SUPT3H: variants seen among roughly 807,000 people sequenced by gnomAD.
The protein encoded by SUPT3H is transcription initiation protein SPT3 homolog.
SUPT3H carries 44 observed loss-of-function variants against 44.3 expected under a neutral mutation model. The ratio of observed to expected loss-of-function variants is 0.99; its 90% CI spans 0.78 to 1.28. The LOEUF (loss-of-function observed/expected upper bound fraction) is 1.28, where lower values mean the gene tolerates loss of function less well. Among genes scored for constraint, SUPT3H ranks in the 50% most tolerant of loss-of-function variants. The pLI, the probability that SUPT3H is intolerant of heterozygous loss-of-function variation, is 0.00. For synonymous variants in SUPT3H, 124 were observed against 125.6 expected (o/e 0.99, Z 0.09); for missense variants, 380 against 387.1 (o/e 0.98, Z 0.15).
intron 2 of SUPT3H, among the ~76,000 whole-genome samples, chr6:45,305,220 A>G (rs1265423245): frequency 6.6e-5 from 10 of 152,226 alleles, no homozygotes; most frequent in African/African-American, 2.4e-4. Context: ...AATTGTTTCC[A>G]TATTACCGGA....
intron 2 of SUPT3H, among the ~76,000 whole-genome samples, chr6:45,147,995 T>G (rs750584088): frequency 6.6e-6 from 1 of 152,178 alleles, no homozygotes; most frequent in Admixed American, 6.6e-5. Flanking sequence ...CTTTCTATCA[T>G]GTATTTTTAT....
downstream of SUPT3H, among the ~76,000 whole-genome samples, chr6:44,822,160 G>A (rs562686026): frequency 7.2e-5 from 11 of 152,136 alleles, no homozygotes; most frequent in South Asian, 2.1e-3. Flanking sequence ...GTAATTTCAC[G>A]GTTCCCCTCA....
chr6:45,087,670 T>C (rs973264946), intron 3 of SUPT3H, among the ~76,000 whole-genome samples: 1 of 151,972 alleles, frequency 6.6e-6, no homozygotes, highest in East Asian at 1.9e-4. Context: ...CTAATAATAA[T>C]AATATAAGAA....
At chr6:45,219,947 G>A (rs1331969012) in intron 2 of SUPT3H, among the ~76,000 whole-genome samples, 1 of 145,636 alleles carries the variant, frequency 6.9e-6, no homozygotes, top group African/African-American at 2.5e-5. Context: ...GCTGACGCAG[G>A]AGAATCGCTT....
chr6:44,810,334 C>G lies in SUPT3H; in HGVS notation c.*53-833G>C, dbSNP rs149989312. ...GGAAGTTATAAATACTAGCAAGGAC[C>G]ATTGGACCAGTTACAGAAATGATGA... On this transcript the variant is annotated intron_variant and NMD_transcript_variant, in intron 11 of 11. Coordinates refer to the SUPT3H transcript ENST00000475057. Among the ~76,000 whole-genome samples the G allele has an allele frequency of 3.9e-4, 59 of 152,212 alleles. 1 individual carries two copies. In the East Asian group the frequency reaches 0.01, roughly 26 times the overall value.
chr6:45,063,505 T>C (rs895400318), intron 3 of SUPT3H, among the ~76,000 whole-genome samples: 8 of 123,850 alleles, frequency 6.5e-5, no homozygotes. Flanking sequence ...ACGATCAAAT[T>C]ACTCTGAGCT....
intron 3 of SUPT3H, among the ~76,000 whole-genome samples, chr6:45,025,869 C>T (rs540839848): frequency 7.0e-5 from 9 of 127,786 alleles, no homozygotes; most frequent in Non-Finnish European, 1.1e-4. Context: ...GATGACAGAG[C>T]GAGACTCCGT....
intron 10 of SUPT3H, among the ~76,000 whole-genome samples, chr6:44,893,632 T>A (rs1234878431): frequency 6.6e-6 from 1 of 152,018 alleles, no homozygotes; most frequent in South Asian, 2.1e-4. Context: ...TGTTGGACAT[T>A]TGGGTTGGTT....
chr6:44,884,257 C>A (rs1778749617), intron 10 of SUPT3H, among the ~76,000 whole-genome samples: 1 of 152,140 alleles, frequency 6.6e-6, no homozygotes, highest in South Asian at 2.1e-4. Flanking sequence ...TGAAAAAAAG[C>A]TCATCATCAC....
Position 44,829,305 on chromosome 6 carries a change from A to G in SUPT3H, c.*511T>C, listed in dbSNP as rs563943780. On this transcript the variant is annotated 3_prime_UTR_variant, in exon 11 of 11. Coordinates refer to ENST00000371459, the MANE Select transcript of SUPT3H (RefSeq NM_003599.4). Reference sequence around the variant, plus strand: ...ACAGGTGATTTATCAGGTCTGTTAGATCTTTGATTACTGTAAGTTTATAAA... The same window carrying G: ...ACAGGTGATTTATCAGGTCTGTTAGGTCTTTGATTACTGTAAGTTTATAAA... 6 of 152,678 alleles carry G rather than the reference A, an allele frequency of 3.9e-5. No homozygotes were observed. Among genetic ancestry groups the G allele is most frequent in the African/African-American group, 1.4e-4 (6 of 41,560 alleles). 9.5% of individuals were successfully genotyped at this position (152,678 alleles called of 1,614,324 possible).
chr6:45,325,449 C>T (rs1463793654), intron 2 of SUPT3H, among the ~76,000 whole-genome samples: 2 of 151,826 alleles, frequency 1.3e-5, no homozygotes, highest in Non-Finnish European at 2.9e-5. Context: ...ATTTTATTCA[C>T]TACAAAGCAA....
chr6:45,068,576 C>T (rs1018825863), intron 3 of SUPT3H, among the ~76,000 whole-genome samples: 2 of 152,082 alleles, frequency 1.3e-5, no homozygotes, highest in African/African-American at 4.8e-5. Context: ...GAAAACATAA[C>T]ATGATTTGTT....
intron 6 of SUPT3H, among the ~76,000 whole-genome samples, chr6:44,988,513 C>A: frequency 7.7e-5 from 5 of 64,838 alleles, no homozygotes; most frequent in African/African-American, 1.1e-4. Context: ...GTATGAAAGG[C>A]TTAAATAAAA....
At chr6:45,183,814 G>C (rs1813697769) in intron 2 of SUPT3H, among the ~76,000 whole-genome samples, 1 of 152,162 alleles carries the variant, frequency 6.6e-6, no homozygotes, top group Non-Finnish European at 1.5e-5. Flanking sequence ...AAGAGTCAAA[G>C]AAGCCAATCT....
intron 10 of SUPT3H, among the ~76,000 whole-genome samples, chr6:44,916,890 C>A (rs1215554246): frequency 1.3e-5 from 2 of 152,060 alleles, no homozygotes; most frequent in Non-Finnish European, 2.9e-5. Flanking sequence ...TTTCCCAGTA[C>A]TTTGGGAGGC....
At chr6:45,087,015 A>T (rs1796553431) in intron 3 of SUPT3H, among the ~76,000 whole-genome samples, 1 of 151,922 alleles carries the variant, frequency 6.6e-6, no homozygotes, top group African/African-American at 2.4e-5. Context: ...TCTTTCTTTC[A>T]AACAAAAATT....
intron 2 of SUPT3H, among the ~76,000 whole-genome samples, chr6:45,350,933 C>G (rs1376788337): frequency 6.6e-6 from 1 of 152,170 alleles, no homozygotes; most frequent in Non-Finnish European, 1.5e-5. Flanking sequence ...CACCTCAGCT[C>G]TACCTCGTGT....
intron 2 of SUPT3H, among the ~76,000 whole-genome samples, chr6:45,250,786 G>C (rs930489215): frequency 2.0e-5 from 3 of 151,450 alleles, no homozygotes; most frequent in African/African-American, 7.3e-5. Context: ...GGGAAAAAAG[G>C]GTTTATAGAA....
chr6:45,152,077 T>C (rs913099106), intron 2 of SUPT3H, among the ~76,000 whole-genome samples: 3 of 152,100 alleles, frequency 2.0e-5, no homozygotes, highest in African/African-American at 7.2e-5. Context: ...TTCCCAAACT[T>C]CTATGCTAAC....
Sources: gnomAD v4.1 joint callset for allele counts (sites outside exome capture counted in the v4.1 genomes callset) on GRCh38, gnomAD v4.1.1 for gene constraint, MANE v1.5 for transcripts, NCBI Gene and HGNC (gene_info 2026-07-23, HGNC 2026-07-21) for gene names.